Variants in EPHA5 observed in about 807,000 individuals in gnomAD.
EPHA5 encodes EPH receptor A5.
EPHA5 carries 60 observed loss-of-function variants against 105.0 expected under a neutral mutation model. The ratio of observed to expected loss-of-function variants is 0.57; its 90% CI spans 0.46 to 0.71. The LOEUF is 0.71. EPHA5 is among the 30% of genes least tolerant of loss of function. The pLI is 0.00. For synonymous variants in EPHA5, 513 were observed against 449.1 expected (o/e 1.14, Z -1.80); for missense variants, 1,218 against 1,274.7 (o/e 0.96, Z 0.68).
intron 7 of EPHA5, 110 bp downstream of exon 7, chr4:65,414,174 G>A: frequency 2.1e-6 from 2 of 948,308 alleles, no homozygotes; most frequent in Non-Finnish European, 3.3e-6. Context: ...GCCTGGGAGA[G>A]AGAGAGGGAG....
chr4:65,656,365 T>C (rs915980489), intron 1 of EPHA5, among the ~76,000 whole-genome samples: 3 of 151,418 alleles, frequency 2.0e-5, no homozygotes, highest in African/African-American at 7.3e-5. Context: ...GTGAGAACTG[T>C]GTAACTGAAA....
chr4:65,426,473 T>C lies in EPHA5; in HGVS notation c.1403-5908A>G, dbSNP rs985971600. Reference sequence around the variant, plus strand: ...TTTATAATGGCACTGCTTGAAATGATATGCTTATTTCTTTACTTGTGTATT... The same window carrying C: ...TTTATAATGGCACTGCTTGAAATGACATGCTTATTTCTTTACTTGTGTATT... On this transcript the variant is annotated intron_variant, in intron 5 of 16. Transcript: ENST00000613740. Among the ~76,000 whole-genome samples the C allele has an allele frequency of 5.9e-5, 9 of 152,014 alleles. 1 individual carries two copies. The highest frequency in any genetic ancestry group is 2.2e-4 in the African/African-American group (9 of 41,280).
At chr4:65,601,504 A>G (rs1270931900) in intron 3 of EPHA5, 137 bp downstream of exon 3, 2 of 916,586 alleles carry the variant, frequency 2.2e-6, no homozygotes, top group Non-Finnish European at 3.2e-6. Context: ...CTGAAAAGAG[A>G]AAAATAAAAC....
intron 3 of EPHA5, among the ~76,000 whole-genome samples, chr4:65,522,655 G>A (rs1378452305): frequency 6.6e-6 from 1 of 151,932 alleles, no homozygotes; most frequent in Non-Finnish European, 1.5e-5. Context: ...ATGAATGACA[G>A]ATTTTTAGTT....
At chr4:65,466,570 C>T (rs1337384564) in intron 5 of EPHA5, among the ~76,000 whole-genome samples, 1 of 152,184 alleles carries the variant, frequency 6.6e-6, no homozygotes, top group Non-Finnish European at 1.5e-5. Context: ...AAAATAAGGA[C>T]ATTCACCAGG....
In EPHA5 at chr4:65,490,485, G is replaced by A. The variant is rs2149212818; in HGVS notation, c.1294C>T (p.Leu432Phe). ...TCAAAGGTATAGTTTGTGTGAGCGA[G>A]TAGATCCACCATCATGACAGAGGTG... ...KNTSVMMVDLLAHTNYTFEIE... is the reference protein window; with the variant it reads ...KNTSVMMVDLFAHTNYTFEIE... Residue 432 changes from leucine (L) to phenylalanine (F), a missense_variant, in exon 5 of 17, where the codon CTC becomes TTC. Leu to Phe is a conservative substitution (Grantham distance 22). Around this residue, in one of 3 missense-constraint regions of EPHA5, gnomAD observed 971 missense variants for 1,013.5 expected, o/e 0.96. Transcript: ENST00000613740. 1 of 1,614,168 alleles carries A rather than the reference G, an allele frequency of 6.2e-7. No individual in the cohort carries two copies. Among genetic ancestry groups the A allele is most frequent in the Non-Finnish European group, 8.5e-7 (1 of 1,180,034 alleles).
intron 3 of EPHA5, among the ~76,000 whole-genome samples, chr4:65,578,311 T>G (rs1741269296): frequency 6.6e-6 from 1 of 152,134 alleles, no homozygotes; most frequent in Non-Finnish European, 1.5e-5. Flanking sequence ...TTCCTATAGT[T>G]TTATGCTAAA....
At chr4:65,378,677 A>C (rs1188223372) in intron 8 of EPHA5, among the ~76,000 whole-genome samples, 1 of 151,906 alleles carries the variant, frequency 6.6e-6, no homozygotes, top group Non-Finnish European at 1.5e-5. Context: ...ATGTCTTATA[A>C]AGCCTAAATC....
At chr4:65,429,564 A>T (rs1329347263) in intron 5 of EPHA5, among the ~76,000 whole-genome samples, 1 of 151,700 alleles carries the variant, frequency 6.6e-6, no homozygotes, top group Non-Finnish European at 1.5e-5. Context: ...TTTTAAAAGC[A>T]AAACAAACAC....
chr4:65,455,378 G>A (rs1029609632), intron 5 of EPHA5, among the ~76,000 whole-genome samples: 2 of 152,182 alleles, frequency 1.3e-5, no homozygotes, highest in Non-Finnish European at 2.9e-5. Context: ...CAAGCAAACA[G>A]CTGGACATCA....
chr4:65,380,408 A>C (rs1413973502), intron 8 of EPHA5, among the ~76,000 whole-genome samples: 1 of 151,902 alleles, frequency 6.6e-6, no homozygotes, highest in South Asian at 2.1e-4. Context: ...TGATCAATAT[A>C]GGTATGAAGT....
chr4:65,469,618 G>A (rs6834021), intron 5 of EPHA5, among the ~76,000 whole-genome samples: 9,337 of 152,112 alleles, frequency 0.061, 962 homozygotes, highest in African/African-American at 0.21. Context: ...ATAGCTCTTT[G>A]GAAAGAGGAT....
intron 8 of EPHA5, among the ~76,000 whole-genome samples, chr4:65,389,995 A>G (rs965402999): frequency 1.3e-5 from 2 of 152,018 alleles, no homozygotes; most frequent in African/African-American, 4.8e-5. Flanking sequence ...CTAAACTTTC[A>G]ACTATATTTC....
chr4:65,624,011 A>G (rs1560787233), intron 2 of EPHA5, among the ~76,000 whole-genome samples: 1 of 152,174 alleles, frequency 6.6e-6, no homozygotes, highest in African/African-American at 2.4e-5. Context: ...AAATGTATAT[A>G]TTTGTACAAT....
In EPHA5 at chr4:65,439,940, G is replaced by A. The variant is rs183200622; in HGVS notation, c.1403-19375C>T. Among the ~76,000 whole-genome samples the A allele has an allele frequency of 1.2e-3, 190 of 152,214 alleles. 1 individual carries two copies. The highest frequency in any genetic ancestry group is 3.4e-3 in the Middle Eastern group (1 of 294). ...ATTATGTCATGTTTGTAGCTATCAT[G>A]TTAATTATGTGGTATTTTACTTATC... On this transcript the variant is annotated intron_variant, in intron 5 of 16. Transcript: ENST00000613740.
intron 5 of EPHA5, among the ~76,000 whole-genome samples, chr4:65,447,961 A>G (rs1490929627): frequency 6.6e-6 from 1 of 152,180 alleles, no homozygotes; most frequent in African/African-American, 2.4e-5. Context: ...TAAAGACACA[A>G]CAATGACCAA....
At chr4:65,515,579 T>G (rs1344410338) in intron 3 of EPHA5, among the ~76,000 whole-genome samples, 1 of 152,120 alleles carries the variant, frequency 6.6e-6, no homozygotes, top group Non-Finnish European at 1.5e-5. Context: ...TATTTTATGG[T>G]TTTTTGTGAA....
At chr4:65,367,171 C>T (rs778932056) in intron 9 of EPHA5, among the ~76,000 whole-genome samples, 186 bp downstream of exon 9, 51 of 151,096 alleles carry the variant, frequency 3.4e-4, no homozygotes, top group Non-Finnish European at 6.8e-4. Flanking sequence ...TCAGCTATTG[C>T]CTAAAGCCTT....
rs568098467 is a variant in EPHA5 at position 65,441,828 on chromosome 4, T to C, written c.1403-21263A>G. Among the ~76,000 whole-genome samples the C allele has an allele frequency of 2.0e-5, 3 of 152,238 alleles. No homozygotes were observed. The South Asian group carries it at 6.2e-4, about 32-fold the overall frequency. On this transcript the variant is annotated intron_variant, in intron 5 of 16. Transcript: ENST00000613740. Reference sequence around the variant, plus strand: ...TATAATCTAAGCTAAATAGAATAATTATCAAGGAAATCTACTAGCTAGCCA... The same window carrying C: ...TATAATCTAAGCTAAATAGAATAATCATCAAGGAAATCTACTAGCTAGCCA...
Sources: allele counts gnomAD v4.1 joint callset (sites outside exome capture counted in the v4.1 genomes callset), GRCh38; gene constraint gnomAD v4.1.1; regional missense constraint gnomAD v4.1.1; transcripts MANE v1.5; gene names NCBI Gene and HGNC (gene_info 2026-07-23, HGNC 2026-07-21).